The following SLC39A12 variants were observed in gnomAD, a reference collection of about 807,000 sequenced individuals.
The protein encoded by SLC39A12 is zinc transporter ZIP12.
Under a neutral mutation model 71.1 loss-of-function variants are expected in SLC39A12, and 63 were observed. The ratio of observed to expected loss-of-function variants is 0.89; its 90% confidence interval spans 0.72 to 1.09. The LOEUF (loss-of-function observed/expected upper bound fraction) is 1.09, where lower values mean the gene tolerates loss of function less well. SLC39A12 is among the 50% of genes least tolerant of loss of function. SLC39A12 has a pLI of 0.00. For synonymous variants in SLC39A12, 351 were observed against 301.3 expected, an observed-to-expected ratio of 1.16 and a Z score of -1.71; for missense variants, 892 against 812.6, an observed-to-expected ratio of 1.10 and a Z score of -1.19.
At chr10:18,022,574 T>G (rs1359304076) in intron 12 of SLC39A12, among the ~76,000 whole-genome samples, 3 of 152,234 alleles carry the variant, frequency 2.0e-5, no homozygotes, top group Non-Finnish European at 4.4e-5. Context: ...GGGTTTCAAC[T>G]TCCTCTTGAA....
chr10:18,028,548 T>C (rs1235093005), intron 12 of SLC39A12, among the ~76,000 whole-genome samples: 3 of 151,740 alleles, frequency 2.0e-5, no homozygotes, highest in African/African-American at 7.3e-5. Flanking sequence ...ATCATCCTTC[T>C]TTGTGACAGG....
chr10:18,041,837 A>ATG (rs1837261576), intron 12 of SLC39A12, among the ~76,000 whole-genome samples: 1 of 145,090 alleles, frequency 6.9e-6, no homozygotes, highest in African/African-American at 2.6e-5. Context: ...GTACATACAT[A>ATG]TGTATACGTA....
At chr10:17,987,390 T>C (rs1835425188) in intron 6 of SLC39A12, 89 bp from the exon 7 acceptor site, 3 of 1,228,130 alleles carry the variant, frequency 2.4e-6, no homozygotes, top group Non-Finnish European at 3.5e-6. Context: ...GCTGTTACTG[T>C]AAGACCAATT....
chr10:17,965,560 G>C lies in SLC39A12; in HGVS notation c.621G>C (p.Gln207His), dbSNP rs368515548. Residue 207 changes from glutamine to histidine, a missense_variant, in exon 4 of 13, where the codon CAG (glutamine) becomes CAC (histidine). Physicochemically the swap from Gln to His is conservative, Grantham distance 24 (BLOSUM62 0). Transcript: ENST00000377369. ...GTGCTAATGAAAGTACGCTTCCTCAGTTGGCAGCCATGATCATTACTTTGT... is the reference window on the plus strand; with the variant it reads ...GTGCTAATGAAAGTACGCTTCCTCACTTGGCAGCCATGATCATTACTTTGT... ...SEGANESTLP[Q>H]LAAMIITLSL... 8 of 1,614,102 alleles carry C rather than the reference G, an allele frequency of 5.0e-6. No individual in the cohort carries two copies. In the African/African-American group the frequency reaches 8.0e-5, roughly 16 times the overall value.
chr10:17,993,490 A>G (rs1011427441), intron 9 of SLC39A12, among the ~76,000 whole-genome samples, 199 bp downstream of exon 9: 2 of 152,214 alleles, frequency 1.3e-5, no homozygotes, highest in Admixed American at 1.3e-4. Flanking sequence ...CACCCTCCAC[A>G]GATTCACGTA....
At chr10:17,964,754 G>T (rs1403851737) in intron 3 of SLC39A12, among the ~76,000 whole-genome samples, 1 of 152,214 alleles carries the variant, frequency 6.6e-6, no homozygotes, top group African/African-American at 2.4e-5. Flanking sequence ...CTGTGATGAC[G>T]CAAGGCAGCA....
intron 10 of SLC39A12, among the ~76,000 whole-genome samples, chr10:17,996,958 T>TGAGCCGAGATCGCGCCAGCGA (rs1376939546): frequency 7.1e-6 from 1 of 140,894 alleles, no homozygotes; most frequent in Non-Finnish European, 1.5e-5. Context: ...GAGCTTGCAG[T>TGAGCCGAGATCGCGCCAGCGA]GAGCCGAGAT....
At chr10:18,023,656 C>T (rs915128368) in intron 12 of SLC39A12, among the ~76,000 whole-genome samples, 1 of 152,174 alleles carries the variant, frequency 6.6e-6, no homozygotes, top group Admixed American at 6.5e-5. Context: ...GGCTCCTCTC[C>T]TTATGCTGGT....
chr10:17,974,266 CTTAT>C (rs1280151657), intron 4 of SLC39A12, among the ~76,000 whole-genome samples: 1 of 152,028 alleles, frequency 6.6e-6, no homozygotes, highest in African/African-American at 2.4e-5. Context: ...TGCCTGGTGC[CTTAT>C]TTAATTCATT....
intron 4 of SLC39A12, among the ~76,000 whole-genome samples, chr10:17,968,840 TAA>T (rs1440762941): frequency 6.6e-6 from 1 of 152,194 alleles, no homozygotes; most frequent in Non-Finnish European, 1.5e-5. Flanking sequence ...TATTTACAAT[TAA>T]GTTATTATTG....
chr10:18,042,057 T>A (rs1417365881), intron 12 of SLC39A12, among the ~76,000 whole-genome samples: 3 of 152,160 alleles, frequency 2.0e-5, no homozygotes, highest in African/African-American at 7.2e-5. Flanking sequence ...GTGCATATAG[T>A]AGTTCTATAA....
intron 12 of SLC39A12, among the ~76,000 whole-genome samples, chr10:18,038,799 A>G (rs192984036): frequency 6.6e-6 from 1 of 152,324 alleles, no homozygotes; most frequent in Admixed American, 6.5e-5. Context: ...CATTTTGGTG[A>G]TTTGATCGAC....
chr10:18,037,086 C>A (rs1358054571), intron 12 of SLC39A12, among the ~76,000 whole-genome samples: 3 of 151,924 alleles, frequency 2.0e-5, no homozygotes, highest in African/African-American at 7.3e-5. Context: ...CATGCCCAGC[C>A]TAAAAATTGC....
rs1837295531 is a variant in SLC39A12 at position 18,042,792 on chromosome 10, C to G, written c.2035C>G (p.Leu679Val). 6.2e-7 allele frequency: 1 copy of G among 1,612,994 alleles called. No individual in the cohort carries two copies. The highest frequency in any genetic ancestry group is 8.5e-7 in the Non-Finnish European group (1 of 1,179,640). Residue 679 changes from leucine to valine, a missense_variant, in exon 13 of 13, where the codon CTC becomes GTC. Leu to Val is a conservative substitution (Grantham distance 32). Coordinates refer to ENST00000377369, the MANE Select transcript of SLC39A12 (RefSeq NM_001145195.2). ...NFGLILGWLS[L>V]LLLAIYEQNI... ...TGGATTGATCCTAGGTTGGCTTTCT[C>G]TCCTGCTCTTGGCTATATATGAGCA...
At chr10:17,978,348 A>G (rs1835168719) in intron 5 of SLC39A12, among the ~76,000 whole-genome samples, 1 of 150,790 alleles carries the variant, frequency 6.6e-6, no homozygotes, top group African/African-American at 2.5e-5. Context: ...CAGAAAACAT[A>G]TTGAGCATTT....
intron 4 of SLC39A12, among the ~76,000 whole-genome samples, chr10:17,968,483 G>T (rs1474472790): frequency 6.6e-6 from 1 of 152,088 alleles, no homozygotes; most frequent in East Asian, 1.9e-4. Context: ...GGTAAATTTG[G>T]TCATATCTTT....
In SLC39A12 at chr10:18,036,063, G is replaced by C. The variant is rs1480467362; in HGVS notation, c.1948-6642G>C. On this transcript the variant is annotated intron_variant, in intron 12 of 12. Transcript: ENST00000377369. ...CTGCTCTCTTCAAAGCTGTCAGGCA[G>C]GGACATTTAAGTCTGCAGAGGTTAC... 3.3e-5 allele frequency among the ~76,000 whole-genome samples: 5 copies of C among 152,342 alleles called. No homozygotes were observed. The East Asian group carries it at 9.7e-4, about 29-fold the overall frequency.
chr10:18,014,396 A>C (rs1836320233), intron 12 of SLC39A12, among the ~76,000 whole-genome samples: 1 of 152,212 alleles, frequency 6.6e-6, no homozygotes, highest in African/African-American at 2.4e-5. Flanking sequence ...ATTATTATTT[A>C]ACAGAAAGGT....
At position 18,003,428 on chromosome 10, in the gene SLC39A12, A is replaced by G. The variant is rs999809849; in HGVS notation, c.1947+70A>G. On this transcript the variant is annotated intron_variant, in intron 12 of 12. Coordinates refer to ENST00000377369, the MANE Select transcript of SLC39A12 (RefSeq NM_001145195.2). ...ATGTAAAACAGAGAAAAAAAACAGTAAAAATGGAAGGATAAATGAGTAGAA... is the reference window on the plus strand; with the variant it reads ...ATGTAAAACAGAGAAAAAAAACAGTGAAAATGGAAGGATAAATGAGTAGAA... The G allele has an allele frequency of 3.6e-6, 5 of 1,377,598 alleles. No individual in the cohort carries two copies. The African/African-American group carries it at 5.8e-5, about 16-fold the overall frequency. The allele number at this position is 1,377,598 out of a possible 1,614,324, so 85.3% of individuals were successfully genotyped here.
Sources: gnomAD v4.1 joint callset for allele counts (sites outside exome capture counted in the v4.1 genomes callset) on GRCh38, gnomAD v4.1.1 for gene constraint, MANE v1.5 for transcripts, NCBI Gene and HGNC (gene_info 2026-07-23, HGNC 2026-07-21) for gene names.